Variants in TMEM132D observed in about 807,000 individuals in gnomAD.
TMEM132D encodes the protein mature OL transmembrane protein.
In TMEM132D, 21 loss-of-function variants were observed where a neutral mutation model predicts 62.3. The observed-to-expected ratio is 0.34, with a 90% CI of 0.24 to 0.49. The LOEUF is 0.49. Ranked by LOEUF, TMEM132D falls within the 20% of genes least tolerant of loss-of-function variation. The pLI, the probability that TMEM132D is intolerant of heterozygous loss-of-function variation, is 0.99. For missense variants in TMEM132D, 1,346 were observed against 1,402.8 expected (o/e 0.96, Z 0.65); for synonymous variants, 621 against 575.6 (o/e 1.08, Z -1.13).
intron 3 of TMEM132D, among the ~76,000 whole-genome samples, chr12:129,463,109 T>C (rs1041053625): frequency 1.4e-4 from 22 of 152,224 alleles, no homozygotes; most frequent in African/African-American, 5.1e-4. Context: ...CAGATTGTTC[T>C]GGAGAAGAGC....
intron 5 of TMEM132D, among the ~76,000 whole-genome samples, chr12:129,099,380 A>G (rs1875219314): frequency 6.6e-6 from 1 of 152,190 alleles, no homozygotes; most frequent in South Asian, 2.1e-4. Context: ...AGGGCAAAGG[A>G]GAAGCTTTCC....
intron 1 of TMEM132D, among the ~76,000 whole-genome samples, chr12:129,869,477 C>T (rs1369551456): frequency 6.6e-6 from 1 of 152,182 alleles, no homozygotes; most frequent in Non-Finnish European, 1.5e-5. Flanking sequence ...ATACCAAACA[C>T]AATGTAAATG....
At chr12:129,861,757 GA>G (rs11405892) in intron 1 of TMEM132D, among the ~76,000 whole-genome samples, 9 of 132,740 alleles carry the variant, frequency 6.8e-5, no homozygotes, top group South Asian at 5.1e-4. Context: ...CTGTCTCAAA[GA>G]AAAAAAAAAA....
Position 129,371,267 on chromosome 12 carries a change from G to A in TMEM132D, c.1116-33450C>T, listed in dbSNP as rs1366912543. Among the ~76,000 whole-genome samples, 1 of 152,072 alleles carries A rather than the reference G, an allele frequency of 6.6e-6. No homozygotes were observed. The highest frequency in any genetic ancestry group is 2.4e-5 in the African/African-American group (1 of 41,406). On this transcript the variant is annotated intron_variant, in intron 3 of 8. Coordinates refer to ENST00000422113, the MANE Select transcript of TMEM132D (RefSeq NM_133448.3). The surrounding 1 kb of genome is among the most constrained non-coding windows in gnomAD (Gnocchi z 4.3). Reference sequence around the variant, plus strand: ...TGATGGTGGCAGTGATGATGATGATGAAGGTGGTGTTGGTGACGATGATGA... The same window carrying A: ...TGATGGTGGCAGTGATGATGATGATAAAGGTGGTGTTGGTGACGATGATGA...
intron 3 of TMEM132D, among the ~76,000 whole-genome samples, chr12:129,398,405 G>C (rs1343846157): frequency 6.6e-6 from 1 of 152,206 alleles, no homozygotes; most frequent in Non-Finnish European, 1.5e-5. Flanking sequence ...GAGCAAGAGA[G>C]AGCTCTTCCC....
intron 1 of TMEM132D, among the ~76,000 whole-genome samples, chr12:129,806,690 T>C (rs552308687): frequency 6.6e-6 from 1 of 151,624 alleles, no homozygotes; most frequent in African/African-American, 2.4e-5. Flanking sequence ...ACTTAAAGCA[T>C]AATAATAAAA....
intron 3 of TMEM132D, among the ~76,000 whole-genome samples, chr12:129,446,836 T>C (rs1873111072): frequency 6.6e-6 from 1 of 152,200 alleles, no homozygotes; most frequent in Non-Finnish European, 1.5e-5. Context: ...GAAACAGCGA[T>C]TGTGCCTGCC....
chr12:129,313,359 T>C (rs750707150), intron 4 of TMEM132D, among the ~76,000 whole-genome samples: 5 of 152,120 alleles, frequency 3.3e-5, no homozygotes, highest in Non-Finnish European at 7.4e-5. Flanking sequence ...CATTGGATCA[T>C]CCTTATGCCT....
At chr12:129,832,543 T>C (rs1329020226) in intron 1 of TMEM132D, among the ~76,000 whole-genome samples, 1 of 152,146 alleles carries the variant, frequency 6.6e-6, no homozygotes, top group Non-Finnish European at 1.5e-5. Flanking sequence ...GCTTCCCCCA[T>C]AGGTCCACTG....
At chr12:129,729,327 GCTA>G (rs1473305814) in intron 1 of TMEM132D, among the ~76,000 whole-genome samples, 2 of 152,112 alleles carry the variant, frequency 1.3e-5, no homozygotes, top group African/African-American at 4.8e-5. Flanking sequence ...CAACCTTGAC[GCTA>G]CTGACATTTT....
At chr12:129,577,640 C>T (rs1461198209) in intron 2 of TMEM132D, among the ~76,000 whole-genome samples, 1 of 149,908 alleles carries the variant, frequency 6.7e-6, no homozygotes, top group Non-Finnish European at 1.5e-5. Context: ...GCATTCATGA[C>T]ATACCTAACG....
intron 3 of TMEM132D, among the ~76,000 whole-genome samples, chr12:129,496,846 C>T (rs932211904): frequency 9.2e-5 from 14 of 152,272 alleles, no homozygotes; most frequent in Non-Finnish European, 1.0e-4. Context: ...ATTCATCCTC[C>T]GCCCTCTTTT....
intron 3 of TMEM132D, among the ~76,000 whole-genome samples, chr12:129,417,334 A>AT (rs1872156215): frequency 6.6e-6 from 1 of 152,192 alleles, no homozygotes; most frequent in Non-Finnish European, 1.5e-5. Flanking sequence ...ACAGGATGAT[A>AT]CTGGTACCAA....
At chr12:129,629,929 G>T (rs1321493517) in intron 2 of TMEM132D, among the ~76,000 whole-genome samples, 1 of 152,208 alleles carries the variant, frequency 6.6e-6, no homozygotes, top group African/African-American at 2.4e-5. Flanking sequence ...TATTACTCAA[G>T]ATCAAGATGT....
At chr12:129,283,953 G>A (rs1881227817) in intron 4 of TMEM132D, among the ~76,000 whole-genome samples, 1 of 152,238 alleles carries the variant, frequency 6.6e-6, no homozygotes. Flanking sequence ...AGCACTGGGA[G>A]TGACATTCAA....
At chr12:129,640,006 G>A (rs1031662507) in intron 2 of TMEM132D, among the ~76,000 whole-genome samples, 16 of 152,086 alleles carry the variant, frequency 1.1e-4, no homozygotes, top group African/African-American at 3.9e-4. Context: ...AATGCAGAAT[G>A]CTGCCACATG....
chr12:129,366,619 T>C (rs569419726), intron 3 of TMEM132D, among the ~76,000 whole-genome samples: 20 of 152,238 alleles, frequency 1.3e-4, no homozygotes, highest in Non-Finnish European at 2.4e-4. Context: ...AATGGACTAA[T>C]ACGCCGTGTG....
rs183431073 is a variant in TMEM132D, at chr12:129,163,771, T to C, written c.1443+45749A>G. On this transcript the variant is annotated intron_variant, in intron 5 of 8. Transcript: ENST00000422113. ...CGGCATATCCTCTGAAAATGCCCCT[T>C]CCTTCAATTCTTTCCAGTCACCTCT... Among the ~76,000 whole-genome samples the C allele has an allele frequency of 1.2e-4, 18 of 152,326 alleles. No individual in the cohort carries two copies. The East Asian group carries it at 3.5e-3, about 29-fold the overall frequency.
chr12:129,076,539 C>A (rs1289381634), intron 8 of TMEM132D, among the ~76,000 whole-genome samples: 1 of 152,140 alleles, frequency 6.6e-6, no homozygotes, highest in Non-Finnish European at 1.5e-5. Flanking sequence ...TCCTTCAGCT[C>A]AGCCAAGAAA....
Sources: gnomAD v4.1 joint callset for allele counts (sites outside exome capture counted in the v4.1 genomes callset) on GRCh38, gnomAD v4.1.1 for gene constraint, Gnocchi (gnomAD v3.1) non-coding constraint, MANE v1.5 for transcripts, NCBI Gene and HGNC (gene_info 2026-07-23, HGNC 2026-07-21) for gene names.